MDN1: variants seen among roughly 807,000 people sequenced by gnomAD.
MDN1 encodes midasin.
A neutral mutation model predicts 669.2 loss-of-function variants in MDN1; 266 were observed. The observed-to-expected ratio is 0.40, with a 90% CI of 0.36 to 0.44. The LOEUF is 0.44. Among genes scored for constraint, MDN1 ranks in the 20% least tolerant of loss-of-function variants. The probability of loss-of-function intolerance (pLI) is 1.00; values close to 1 mark genes in which losing one functional copy is unlikely to be tolerated. For synonymous variants in MDN1, 2,385 were observed against 2,457.1 expected, an observed-to-expected ratio of 0.97 and a Z score of 0.87; for missense variants, 5,940 against 6,754.0, an observed-to-expected ratio of 0.88 and a Z score of 4.22.
intron 10 of MDN1, 171 bp downstream of exon 10, chr6:89,781,228 A>C: frequency 1.5e-6 from 1 of 646,498 alleles, no homozygotes; most frequent in Non-Finnish European, 2.7e-6. Flanking sequence ...GCAACCTATA[A>C]TTTCAAAACC....
intron 9 of MDN1, 129 bp downstream of exon 9, chr6:89,784,883 G>A (rs767530808): frequency 3.8e-4 from 234 of 622,404 alleles, no homozygotes; most frequent in Non-Finnish European, 5.9e-4. Context: ...AGCAAATACA[G>A]TAAAATACTA....
chr6:89,654,076 C>T, intron 93 of MDN1, 88 bp downstream of exon 93: 1 of 1,432,458 alleles, frequency 7.0e-7, no homozygotes, highest in South Asian at 1.3e-5. Flanking sequence ...GGACATGGAA[C>T]TGAACACCAG....
intron 69 of MDN1, 68 bp downstream of exon 69, chr6:89,686,834 T>C: frequency 6.3e-7 from 1 of 1,580,326 alleles, no homozygotes; most frequent in Admixed American, 1.8e-5. Flanking sequence ...AGGAAAATCC[T>C]ACACTTTGCA....
chr6:89,772,533 T>A (rs771628359), intron 14 of MDN1, 40 bp downstream of exon 14: 1 of 1,593,904 alleles, frequency 6.3e-7, no homozygotes, highest in South Asian at 1.1e-5. Context: ...GTAGTCAGTG[T>A]GAAATATCTG....
intron 63 of MDN1, among the ~76,000 whole-genome samples, chr6:89,691,115 A>G (rs1024549432): frequency 6.6e-5 from 10 of 152,158 alleles, no homozygotes; most frequent in African/African-American, 2.4e-4. Flanking sequence ...ACTTCCTGTC[A>G]AGAGGTAAAG....
Position 89,708,644 on chromosome 6 carries a change from A to T in MDN1, c.7766-16T>A. ...ACAAATTCATCTAGTTTAAAAACAG[A>T]ACAAAACAAAAATCAGAAATATTGG... is the stretch of plus-strand genomic sequence containing the variant. On this transcript the variant is annotated splice_polypyrimidine_tract_variant and intron_variant, in intron 50 of 101. Coordinates refer to ENST00000369393, the MANE Select transcript of MDN1 (RefSeq NM_014611.3). The T allele has an allele frequency of 3.7e-6, 6 of 1,604,898 alleles. No individual in the cohort carries two copies. Among genetic ancestry groups the T allele is most frequent in the Non-Finnish European group, 5.1e-6 (6 of 1,175,872 alleles).
chr6:89,796,997 G>A (rs953632293), intron 2 of MDN1, among the ~76,000 whole-genome samples: 1 of 151,506 alleles, frequency 6.6e-6, no homozygotes, highest in Non-Finnish European at 1.5e-5. Context: ...GAACCTGGGA[G>A]GCGAAGGTTG....
At position 89,680,738 on chromosome 6, in the gene MDN1, T is replaced by C. The variant is rs1446962624; in HGVS notation, c.12116A>G (p.Glu4039Gly). 1 of 1,613,802 alleles carries C rather than the reference T, an allele frequency of 6.2e-7. No individual in the cohort carries two copies. Among genetic ancestry groups the C allele is most frequent in the Admixed American group, 1.7e-5 (1 of 59,954 alleles). The change falls in exon 74 of 102, where the codon GAG (glutamate) becomes GGG (glycine). Residue 4039 changes from glutamate (E) to glycine (G), a missense_variant. Transcript: ENST00000369393. ...QPAAGQATIP[E>G]WCQGAAPSGL... is the part of the protein sequence containing the mutation. ...GGAAGGAGCAGCGCCCTGACACCAC[T>C]CTGGAATTGTGGCCTGTGAGACAAA...
intron 77 of MDN1, 83 bp from the exon 78 acceptor site, chr6:89,675,662 A>G: frequency 2.6e-6 from 3 of 1,168,622 alleles, no homozygotes; most frequent in Admixed American, 3.6e-5. Flanking sequence ...TGTTTCTACT[A>G]TAAGCGTCAG....
intron 33 of MDN1, among the ~76,000 whole-genome samples, chr6:89,737,880 C>T (rs1048889278): frequency 5.9e-4 from 90 of 152,146 alleles, no homozygotes; most frequent in African/African-American, 2.2e-3. Flanking sequence ...CCCACCACCA[C>T]ACCCAGCTAA....
chr6:89,718,740 C>T (rs754870917), intron 42 of MDN1, 27 bp downstream of exon 42: 6 of 1,611,206 alleles, frequency 3.7e-6, no homozygotes, highest in Non-Finnish European at 5.1e-6. Context: ...TATGCTTTGC[C>T]AGAAAATATG....
Position 89,700,196 on chromosome 6 carries a change from G to A in MDN1, c.8737C>T (p.Leu2913=). The change falls in exon 57 of 102, where the codon CTG becomes TTG. Residue 2913 remains leucine, a synonymous_variant. Transcript: ENST00000369393. The part of the protein sequence containing the change: ...LEKKHDEASS[L]SHPDLTSVIH... Reference sequence around the variant, plus strand: ...ACGGAGGTCAAGTCTGGATGGGACAGGGAGGAAGCTTCATCATGCTTTTTC... The same window carrying A: ...ACGGAGGTCAAGTCTGGATGGGACAAGGAGGAAGCTTCATCATGCTTTTTC... 6.2e-7 allele frequency: 1 copy of A among 1,614,184 alleles called. No homozygotes were observed. Among genetic ancestry groups the A allele is most frequent in the Non-Finnish European group, 8.5e-7 (1 of 1,180,020 alleles).
rs1809247459 is a variant in MDN1 at position 89,655,893 on chromosome 6, G to A, written c.15361C>T (p.Leu5121=). Residue 5121 remains leucine, a synonymous_variant, in exon 92 of 102, where the codon CTG becomes TTG. Coordinates refer to ENST00000369393, the MANE Select transcript of MDN1 (RefSeq NM_014611.3). ...GDHNERVHKR[L]RTVDTDSHAE... ...TGGCTGTCCGTATCCACAGTCCTCA[G>A]CCTCTTGTGCACACGCTCATTGTGA... The A allele has an allele frequency of 1.2e-6, 2 of 1,614,126 alleles. No homozygotes were observed. Among genetic ancestry groups the A allele is most frequent in the East Asian group, 4.5e-5 (2 of 44,886 alleles).
chr6:89,745,667 G>A, intron 27 of MDN1, 41 bp from the exon 28 acceptor site: 4 of 1,586,244 alleles, frequency 2.5e-6, no homozygotes, highest in Middle Eastern at 1.8e-4. Flanking sequence ...GAATCATCAA[G>A]TGTCTACCGG....
chr6:89,690,745 G>A lies in MDN1; in HGVS notation c.10677C>T (p.Asn3559=), dbSNP rs749057792. The A allele has an allele frequency of 3.1e-6, 5 of 1,614,000 alleles. No individual in the cohort carries two copies. The highest frequency in any genetic ancestry group is 4.2e-6 in the Non-Finnish European group (5 of 1,180,044). The change falls in exon 64 of 102, where the codon AAC becomes AAT. Residue 3559 remains asparagine, a synonymous_variant. Transcript: ENST00000369393. ...CCTCTTCACTCAGGGCTGTCCTAGA[G>A]TTCCTGCTCCTGTATCTATACAGGC... ...ESGLYRYRSR[N]SRTALSEEEE...
At chr6:89,752,398 C>G (rs6900021) in intron 22 of MDN1, among the ~76,000 whole-genome samples, 21,265 of 151,996 alleles carry the variant, frequency 0.14, 1,632 homozygotes, top group Middle Eastern at 0.21. Context: ...TACAATTTAC[C>G]GAAAGTATTT....
intron 72 of MDN1, 47 bp from the exon 73 acceptor site, chr6:89,683,377 C>T: frequency 6.7e-7 from 1 of 1,493,632 alleles, no homozygotes; most frequent in Non-Finnish European, 9.2e-7. Flanking sequence ...ACTGGATTAG[C>T]AAGTGAAGAC....
intron 2 of MDN1, among the ~76,000 whole-genome samples, chr6:89,802,994 T>A (rs1767764689): frequency 6.6e-6 from 1 of 152,118 alleles, no homozygotes. Context: ...CCATTAGAGG[T>A]GGATGCTGTA....
intron 33 of MDN1, among the ~76,000 whole-genome samples, chr6:89,735,892 T>C (rs1263098697): frequency 6.6e-6 from 1 of 152,070 alleles, no homozygotes; most frequent in East Asian, 1.9e-4. Flanking sequence ...TTGTGGCACA[T>C]GCCTGTAGTC....
Sources: allele counts gnomAD v4.1 joint callset (sites outside exome capture counted in the v4.1 genomes callset), GRCh38; gene constraint gnomAD v4.1.1; transcripts MANE v1.5; gene names NCBI Gene and HGNC (gene_info 2026-07-23, HGNC 2026-07-21).